AK3: variants seen among roughly 807,000 people sequenced by gnomAD.
AK3 encodes the protein adenylate kinase 3, also known as GTP:AMP phosphotransferase AK3, mitochondrial.
In AK3, 27 loss-of-function variants were observed where a neutral mutation model predicts 23.7. That is an observed-to-expected ratio of 1.14 (90% confidence interval 0.84 to 1.57). The LOEUF (loss-of-function observed/expected upper bound fraction) is 1.57, where lower values mean the gene tolerates loss of function less well. Ranked by LOEUF, AK3 falls within the 40% of genes most tolerant of loss-of-function variation. The pLI, the probability that AK3 is intolerant of heterozygous loss-of-function variation, is 0.00. For missense variants in AK3, 406 were observed against 285.6 expected, an observed-to-expected ratio of 1.42 and a Z score of -3.04; for synonymous variants, 159 against 116.0, an observed-to-expected ratio of 1.37 and a Z score of -2.38.
At chr9:4,741,791 C>G (rs932562685), upstream of AK3, 1 of 152,640 alleles carries the variant, frequency 6.6e-6, no homozygotes, top group African/African-American at 2.4e-5. Context: ...CTCCACCTGG[C>G]GCCCACTCGA....
At position 4,732,732 on chromosome 9, in the gene AK3, C is replaced by A. The variant is rs59143654; in HGVS notation, c.151+8205G>T. 6.7e-3 allele frequency among the ~76,000 whole-genome samples: 1,019 copies of A among 152,222 alleles called. 8 individuals are homozygous for A. The highest frequency in any genetic ancestry group is 0.023 in the African/African-American group (973 of 41,518). On this transcript the variant is annotated intron_variant, in intron 1 of 4. Transcript: ENST00000381809. ...TAAAAAGCCATTTTAAATTCTGTAT[C>A]TCCCTTAAAAGTTTCATGTTACCCA...
chr9:4,719,029 C>T (rs1231670507), intron 3 of AK3, 106 bp downstream of exon 3: 2 of 1,229,770 alleles, frequency 1.6e-6, no homozygotes, highest in Admixed American at 4.1e-5. Context: ...AATATACCCT[C>T]AGGAGTTTTG....
Position 4,718,556 on chromosome 9 carries a change from G to C in AK3, c.445-19C>G, listed in dbSNP as rs745431034. On this transcript the variant is annotated intron_variant, in intron 3 of 4. Transcript: ENST00000381809. ...CAATGCCCTAAACAGGATTAGAAGA[G>C]ACTAGTATCAGATATCATATTTCTG... is the stretch of plus-strand genomic sequence containing the variant. 1 of 1,497,924 alleles carries C rather than the reference G, an allele frequency of 6.7e-7. No homozygotes were observed. The highest frequency in any genetic ancestry group is 9.3e-7 in the Non-Finnish European group (1 of 1,078,640). The allele number at this position is 1,497,924 out of a possible 1,614,324, so 92.8% of individuals were successfully genotyped here. A position where few individuals can be genotyped will look rare whatever the true frequency, so the allele number is the denominator to read the frequency against.
chr9:4,712,833 A>T lies in AK3; in HGVS notation c.*143T>A. The T allele has an allele frequency of 4.3e-6, 4 of 937,564 alleles. No individual in the cohort carries two copies. The highest frequency in any genetic ancestry group is 6.1e-6 in the Non-Finnish European group (4 of 657,782). The allele number at this position is 937,564 out of a possible 1,614,324, so 58.1% of individuals were successfully genotyped here. ...CCGAATCATTTGGCACATCCTTAGT[A>T]TCCAAAATAAAATCAGTAGAAATAA... On this transcript the variant is annotated 3_prime_UTR_variant, in exon 5 of 5. Transcript: ENST00000381809.
At chr9:4,713,129 A>C in intron 4 of AK3, 33 bp from the exon 5 acceptor site, 2 of 1,611,232 alleles carry the variant, frequency 1.2e-6, no homozygotes, top group Non-Finnish European at 1.7e-6. Flanking sequence ...ACAAACACAC[A>C]CAGGTCTGAG....
In AK3 at chr9:4,733,329, GC is replaced by G. The variant is rs1842197143; in HGVS notation, c.151+7607del. On this transcript the variant is annotated intron_variant, in intron 1 of 4. Transcript: ENST00000381809. The stretch of plus-strand genomic sequence containing the variant: ...ATGATAGCTTTACACCCAATCAAGG[GC>G]TTTAAAAAAAAACCTTTCTCAAATA... Among the ~76,000 whole-genome samples the G allele has an allele frequency of 3.0e-5, 3 of 100,436 alleles. No homozygotes were observed. The Admixed American group carries it at 3.3e-4, about 11-fold the overall frequency. The allele number at this position is 100,436 out of a possible 152,430, so 65.9% of individuals were successfully genotyped here.
At chr9:4,722,651 A>G in intron 1 of AK3, 26 bp from the exon 2 acceptor site, 2 of 1,614,130 alleles carry the variant, frequency 1.2e-6, no homozygotes. Context: ...GAAAAAAATC[A>G]GTAAGTGCAT....
At chr9:4,740,871 G>A (rs1842413097) in intron 1 of AK3, 66 bp downstream of exon 1, 20 of 1,403,120 alleles carry the variant, frequency 1.4e-5, no homozygotes, top group South Asian at 1.6e-5. Flanking sequence ...CCCAGCTTCG[G>A]CCCCTCGCCC....
rs139372796 is a variant in AK3, at chr9:4,711,357, CA to C, written c.*1618del. 8,985 of 152,418 alleles carry C rather than the reference CA, an allele frequency of 0.059. 291 individuals are homozygous for C. The highest frequency in any genetic ancestry group is 0.077 in the Admixed American group (1,176 of 15,264). 9.4% of individuals were successfully genotyped at this position (152,418 alleles called of 1,614,324 possible). A position where few individuals can be genotyped will look rare whatever the true frequency, so the allele number is the denominator to read the frequency against. ...GATAATCCATAAGTTTGGTATTTCA[CA>C]ACATTTTTTAGAAAGCACATAAGAT... On this transcript the variant is annotated 3_prime_UTR_variant, in exon 5 of 5. Coordinates refer to ENST00000381809, the MANE Select transcript of AK3 (RefSeq NM_016282.4).
In AK3 at chr9:4,733,322, A is replaced by T. The variant is rs1023696755; in HGVS notation, c.151+7615T>A. On this transcript the variant is annotated intron_variant, in intron 1 of 4. Transcript: ENST00000381809. The stretch of plus-strand genomic sequence containing the variant: ...TAGTTAAATGATAGCTTTACACCCA[A>T]TCAAGGGCTTTAAAAAAAAACCTTT... Among the ~76,000 whole-genome samples the T allele has an allele frequency of 2.5e-5, 3 of 121,388 alleles. No individual in the cohort carries two copies. In the Admixed American group the frequency reaches 2.7e-4, roughly 11 times the overall value. 79.6% of individuals were successfully genotyped at this position (121,388 alleles called of 152,430 possible).
intron 1 of AK3, among the ~76,000 whole-genome samples, chr9:4,722,985 C>G (rs575696043): frequency 6.6e-6 from 1 of 152,140 alleles, no homozygotes; most frequent in African/African-American, 2.4e-5. Flanking sequence ...ACGGGGGAAT[C>G]GCTTGAACCC....
chr9:4,735,388 TAAATATATATACATATATAA>T (rs1842259875), intron 1 of AK3, among the ~76,000 whole-genome samples: 1 of 128,330 alleles, frequency 7.8e-6, no homozygotes, highest in African/African-American at 3.2e-5. Context: ...TATACATATA[TAAATATATATACATATATAA>T]ATATATATAC....
chr9:4,722,439 A>T (rs1841922713), intron 2 of AK3, 67 bp downstream of exon 2: 1 of 1,608,608 alleles, frequency 6.2e-7, no homozygotes, highest in African/African-American at 1.3e-5. Context: ...GAAGCCCATG[A>T]AATGCTCATT....
chr9:4,728,926 T>C (rs1341701548), intron 1 of AK3, among the ~76,000 whole-genome samples: 1 of 146,498 alleles, frequency 6.8e-6, no homozygotes, highest in Non-Finnish European at 1.5e-5. Context: ...TACATATAAA[T>C]ATATACATAC....
At chr9:4,719,077 T>A in intron 3 of AK3, 58 bp downstream of exon 3, 2 of 1,588,500 alleles carry the variant, frequency 1.3e-6, no homozygotes. Flanking sequence ...TTATGTCTGT[T>A]AGGGCAAGAG....
intron 2 of AK3, 82 bp downstream of exon 2, chr9:4,722,424 T>G: frequency 6.3e-7 from 1 of 1,590,890 alleles, no homozygotes. Flanking sequence ...CCTTGACGTC[T>G]GTCTGAAGCC....
At chr9:4,725,626 G>T (rs1386383249) in intron 1 of AK3, among the ~76,000 whole-genome samples, 2 of 152,026 alleles carry the variant, frequency 1.3e-5, no homozygotes, top group Non-Finnish European at 2.9e-5. Flanking sequence ...GAAAAGAAAA[G>T]AAGTGAAAAG....
intron 1 of AK3, among the ~76,000 whole-genome samples, chr9:4,738,290 CA>C (rs1842343725): frequency 6.6e-6 from 1 of 152,134 alleles, no homozygotes; most frequent in Non-Finnish European, 1.5e-5. Flanking sequence ...CTCAGCCTCC[CA>C]AGTAGCTAGG....
chr9:4,717,841 G>C (rs762761699), intron 4 of AK3, among the ~76,000 whole-genome samples: 6 of 152,202 alleles, frequency 3.9e-5, no homozygotes, highest in Non-Finnish European at 8.8e-5. Context: ...AATTACAATG[G>C]ATTTATTAGG....
Sources: allele counts gnomAD v4.1 joint callset (sites outside exome capture counted in the v4.1 genomes callset), GRCh38; gene constraint gnomAD v4.1.1; transcripts MANE v1.5; gene names NCBI Gene and HGNC (gene_info 2026-07-23, HGNC 2026-07-21).